P3H2: variants seen among roughly 807,000 people sequenced by gnomAD.
P3H2 encodes the protein prolyl 3-hydroxylase 2, also known as leprecan-like 1.
Under a neutral mutation model 87.0 loss-of-function variants are expected in P3H2, and 80 were observed. That is an observed-to-expected ratio of 0.92 (90% CI 0.77 to 1.11). The LOEUF (loss-of-function observed/expected upper bound fraction) is 1.11. Ranked by LOEUF, P3H2 falls within the 50% of genes least tolerant of loss-of-function variation. P3H2 has a pLI of 0.00. For missense variants in P3H2, 1,001 were observed against 923.9 expected (o/e 1.08, Z -1.08); for synonymous variants, 367 against 359.3 (o/e 1.02, Z -0.24).
At chr3:190,006,011 T>C (rs1724376824) in intron 1 of P3H2, among the ~76,000 whole-genome samples, 1 of 152,248 alleles carries the variant, frequency 6.6e-6, no homozygotes, top group African/African-American at 2.4e-5. Context: ...CTGTACAGTA[T>C]ATGAAATATC....
At chr3:190,084,332 C>T (rs1032917091) in intron 1 of P3H2, among the ~76,000 whole-genome samples, 1 of 152,278 alleles carries the variant, frequency 6.6e-6, no homozygotes. Flanking sequence ...ATAAGGATGA[C>T]AATTAATCTG....
At chr3:189,989,489 C>T (rs775976963) in intron 3 of P3H2, among the ~76,000 whole-genome samples, 3 of 152,250 alleles carry the variant, frequency 2.0e-5, no homozygotes, top group Admixed American at 6.5e-5. Context: ...AAAGAAACCA[C>T]CATGGGCATG....
intron 1 of P3H2, among the ~76,000 whole-genome samples, chr3:190,009,958 C>T (rs557595655): frequency 6.6e-6 from 1 of 152,174 alleles, no homozygotes; most frequent in East Asian, 1.9e-4. Context: ...TGTCTAGGAG[C>T]TGAGGACGCT....
At chr3:190,013,885 T>C (rs1024909897) in intron 1 of P3H2, among the ~76,000 whole-genome samples, 3 of 152,216 alleles carry the variant, frequency 2.0e-5, no homozygotes, top group African/African-American at 7.2e-5. Context: ...ATCAAGAATT[T>C]GGTGTGAGTA....
At chr3:189,966,102 GAAAAAA>G (rs1560338886) in intron 13 of P3H2, among the ~76,000 whole-genome samples, 73 of 106,314 alleles carry the variant, frequency 6.9e-4, no homozygotes, top group African/African-American at 2.9e-3. Context: ...AAGAAAGAAA[GAAAAAA>G]GAAAGAAAGA....
intron 1 of P3H2, among the ~76,000 whole-genome samples, chr3:190,000,746 C>A (rs1577264461): frequency 6.6e-6 from 1 of 152,082 alleles, no homozygotes; most frequent in African/African-American, 2.4e-5. Context: ...GAGCAGAGAT[C>A]AAGGAGGGAG....
chr3:190,118,935 A>C (rs1448945632), intron 1 of P3H2, among the ~76,000 whole-genome samples: 4 of 151,694 alleles, frequency 2.6e-5, no homozygotes, highest in African/African-American at 9.7e-5. Context: ...GCTACTAAAA[A>C]TACACAAACA....
intron 1 of P3H2, among the ~76,000 whole-genome samples, chr3:190,067,783 ATTAT>A (rs1325321835): frequency 1.3e-5 from 2 of 152,164 alleles, no homozygotes; most frequent in Non-Finnish European, 2.9e-5. Flanking sequence ...GTATACAAAA[ATTAT>A]TTATCTATAT....
At chr3:190,119,185 AGGAGAGGAGG>A (rs1560025901) in intron 1 of P3H2, among the ~76,000 whole-genome samples, 1 of 96,094 alleles carries the variant, frequency 1.0e-5, no homozygotes, top group East Asian at 3.6e-4. Context: ...AGGAGAGGAG[AGGAGAGGAGG>A]GGAGAGGAGA....
At chr3:190,118,244 A>AG (rs11402574) in intron 1 of P3H2, among the ~76,000 whole-genome samples, 2,625 of 152,270 alleles carry the variant, frequency 0.017, 42 homozygotes, top group Middle Eastern at 0.037. Flanking sequence ...TTGTTTTTAT[A>AG]GGACTGACCT....
chr3:190,009,249 G>A (rs1313719784), intron 1 of P3H2, among the ~76,000 whole-genome samples: 1 of 152,170 alleles, frequency 6.6e-6, no homozygotes, highest in Non-Finnish European at 1.5e-5. Flanking sequence ...GCACATATTA[G>A]GTTTTATTTT....
At chr3:190,015,334 A>G (rs1724718268) in intron 1 of P3H2, among the ~76,000 whole-genome samples, 1 of 152,238 alleles carries the variant, frequency 6.6e-6, no homozygotes, top group Non-Finnish European at 1.5e-5. Context: ...AATTCTAAGA[A>G]TTAAAGGCTT....
At chr3:190,073,222 T>C (rs1726764131) in intron 1 of P3H2, among the ~76,000 whole-genome samples, 1 of 152,234 alleles carries the variant, frequency 6.6e-6, no homozygotes, top group Admixed American at 6.5e-5. Context: ...TGTGTGTCTG[T>C]TATACTTCAA....
intron 1 of P3H2, among the ~76,000 whole-genome samples, chr3:190,059,719 T>C (rs1726276558): frequency 6.6e-6 from 1 of 152,094 alleles, no homozygotes; most frequent in Non-Finnish European, 1.5e-5. Flanking sequence ...AAAGAAACAC[T>C]GCATGATGGC....
chr3:189,966,686 G>A (rs905927311), intron 13 of P3H2, among the ~76,000 whole-genome samples: 2 of 152,144 alleles, frequency 1.3e-5, no homozygotes, highest in African/African-American at 2.4e-5. Context: ...AATTTTTCAT[G>A]AAACAAATGG....
chr3:190,122,084 A>AAAAAAG (rs1712629192), upstream of P3H2: 1 of 141,298 alleles, frequency 7.1e-6, no homozygotes, highest in Non-Finnish European at 1.5e-5. Flanking sequence ...CCGTCTCAAA[A>AAAAAAG]ACAAAAAAAA....
intron 1 of P3H2, among the ~76,000 whole-genome samples, chr3:190,027,645 A>G (rs1314736434): frequency 2.7e-5 from 4 of 149,680 alleles, no homozygotes; most frequent in Admixed American, 2.7e-4. Flanking sequence ...TTTTTAAGCA[A>G]TGGCAAAAAC....
chr3:190,023,074 C>T (rs1724981593), intron 1 of P3H2, among the ~76,000 whole-genome samples: 2 of 152,122 alleles, frequency 1.3e-5, no homozygotes, highest in Non-Finnish European at 2.9e-5. Flanking sequence ...GATCCGCCCG[C>T]CTTGGCCTCC....
In P3H2 at chr3:190,019,798, A is replaced by ATATATG. The variant is rs1553876037; in HGVS notation, c.481-24357_481-24356insCATATA. Among the ~76,000 whole-genome samples, 2 of 52,956 alleles carry ATATATG rather than the reference A, an allele frequency of 3.8e-5. 1 individual carries two copies. Among genetic ancestry groups the ATATATG allele is most frequent in the African/African-American group, 8.5e-5 (2 of 23,526 alleles). The allele number at this position is 52,956 out of a possible 152,430, so 34.7% of individuals were successfully genotyped here. On this transcript the variant is annotated intron_variant, in intron 1 of 14. Coordinates refer to ENST00000319332, the MANE Select transcript of P3H2 (RefSeq NM_018192.4). ...TAGAAATTAAAAAATATATATATATATATATATATATATATATACTCACAA... is the reference window on the plus strand; with the variant it reads ...TAGAAATTAAAAAATATATATATATATATATGTATATATATATATATATACTCACAA...
Sources: allele counts gnomAD v4.1 joint callset (sites outside exome capture counted in the v4.1 genomes callset), GRCh38; gene constraint gnomAD v4.1.1; transcripts MANE v1.5; gene names NCBI Gene and HGNC (gene_info 2026-07-23, HGNC 2026-07-21).